The following AGGF1 variants were observed in gnomAD, a reference collection of about 807,000 sequenced individuals.
AGGF1 encodes angiogenic factor with G-patch and FHA domains 1.
A neutral mutation model predicts 86.5 loss-of-function variants in AGGF1; 56 were observed. The observed-to-expected ratio is 0.65, with a 90% CI of 0.52 to 0.81. The LOEUF is 0.81. Ranked by LOEUF, AGGF1 falls within the 30% of genes least tolerant of loss-of-function variation. AGGF1 has a pLI of 0.00. For missense variants in AGGF1, 816 were observed against 850.9 expected (o/e 0.96, Z 0.51); for synonymous variants, 313 against 297.1 (o/e 1.05, Z -0.55).
In AGGF1 at chr5:77,046,477, C is replaced by G. The variant is rs1201364566; in HGVS notation, c.1001C>G (p.Thr334Ser). The change falls in exon 6 of 14, where the codon ACT becomes AGT. Residue 334 changes from threonine (T) to serine (S), a missense_variant. Coordinates refer to ENST00000312916, the MANE Select transcript of AGGF1 (RefSeq NM_018046.5). Reference protein sequence around the residue: ...IHHKNSPPKVTVPTSGNTIES... With the variant: ...IHHKNSPPKVSVPTSGNTIES... ...CACAAAAATAGTCCCCCCAAAGTCA[C>G]TGTTCCAACTAGTGGAAATACTATA... 5 of 1,613,976 alleles carry G rather than the reference C, an allele frequency of 3.1e-6. No individual in the cohort carries two copies. Among genetic ancestry groups the G allele is most frequent in the Admixed American group, 1.7e-5 (1 of 60,012 alleles).
intron 11 of AGGF1, among the ~76,000 whole-genome samples, chr5:77,056,318 T>C (rs1747457988): frequency 6.8e-6 from 1 of 147,968 alleles, no homozygotes; most frequent in Non-Finnish European, 1.5e-5. Context: ...TACCTCTGTC[T>C]CCTGGGTTCA....
intron 5 of AGGF1, among the ~76,000 whole-genome samples, 174 bp from the exon 6 acceptor site, chr5:77,046,173 A>G (rs1747243684): frequency 6.6e-6 from 1 of 152,222 alleles, no homozygotes; most frequent in African/African-American, 2.4e-5. Flanking sequence ...GAAGATGGTA[A>G]TATCATTAAC....
intron 11 of AGGF1, among the ~76,000 whole-genome samples, chr5:77,058,090 T>C (rs1053749034): frequency 6.6e-6 from 1 of 152,192 alleles, no homozygotes; most frequent in African/African-American, 2.4e-5. Flanking sequence ...AAGGACACTT[T>C]TGGGAGAGAT....
intron 3 of AGGF1, chr5:77,036,165 A>G (rs1746963971): frequency 3.7e-6 from 1 of 269,848 alleles, no homozygotes; most frequent in Admixed American, 5.1e-5. Context: ...TGTGTTTGAT[A>G]TATCTCATTT....
chr5:77,041,586 AG>A (rs1561285519), intron 5 of AGGF1, among the ~76,000 whole-genome samples: 1 of 147,820 alleles, frequency 6.8e-6, no homozygotes, highest in South Asian at 2.1e-4. Flanking sequence ...AAAAAAAAAA[AG>A]AAGAAGGCTA....
intron 11 of AGGF1, 141 bp downstream of exon 11, chr5:77,055,737 G>T (rs1291022734): frequency 1.7e-6 from 1 of 605,466 alleles, no homozygotes; most frequent in Non-Finnish European, 2.9e-6. Context: ...TACTGTTCTG[G>T]TATTCATAAC....
Position 77,058,952 on chromosome 5 carries a change from G to GT in AGGF1, c.1717-663dup, listed in dbSNP as rs1747503433. On this transcript the variant is annotated intron_variant, in intron 11 of 13. Transcript: ENST00000312916. ...TCTTTTTCTAGGGAATGTTTGTTAA[G>GT]TGACTAATAAGTCACTTAAATGGAG... 3.3e-5 allele frequency among the ~76,000 whole-genome samples: 5 copies of GT among 152,292 alleles called. No individual in the cohort carries two copies. In the South Asian group the frequency reaches 1.0e-3, roughly 32 times the overall value.
intron 1 of AGGF1, among the ~76,000 whole-genome samples, chr5:77,032,444 C>T (rs1368799080): frequency 6.6e-6 from 1 of 151,236 alleles, no homozygotes; most frequent in Non-Finnish European, 1.5e-5. Flanking sequence ...TGGCGGGCGC[C>T]TGTAGTCCCA....
intron 5 of AGGF1, among the ~76,000 whole-genome samples, chr5:77,044,368 G>A (rs921466110): frequency 2.0e-5 from 3 of 152,232 alleles, no homozygotes; most frequent in Non-Finnish European, 4.4e-5. Flanking sequence ...AAAGGTACCT[G>A]TGAGGCCAAG....
Position 77,063,100 on chromosome 5 carries a change from C to T in AGGF1, c.1993C>T (p.Pro665Ser). The T allele has an allele frequency of 6.2e-7, 1 of 1,613,966 alleles. No homozygotes were observed. Among genetic ancestry groups the T allele is most frequent in the Non-Finnish European group, 8.5e-7 (1 of 1,179,974 alleles). The stretch of plus-strand genomic sequence containing the variant: ...ACATGCAGGCTTGGGGACAGGCAAA[C>T]CATCCTCATTTGAAGATGTTCACCT... ...RTHAGLGTGK[P>S]SSFEDVHLLQ... Residue 665 changes from proline (P) to serine (S), a missense_variant, in exon 14 of 14, where the codon CCA becomes TCA. This residue lies in a region of AGGF1 where 565 missense variants were observed against 585.8 expected (regional missense o/e 0.96). Coordinates refer to ENST00000312916, the MANE Select transcript of AGGF1 (RefSeq NM_018046.5).
At chr5:77,045,375 C>T (rs1299995973) in intron 5 of AGGF1, among the ~76,000 whole-genome samples, 2 of 152,146 alleles carry the variant, frequency 1.3e-5, no homozygotes, top group Admixed American at 1.3e-4. Flanking sequence ...TGTTAATTAG[C>T]TCAATTTAAC....
At chr5:77,042,494 AC>A (rs369692581) in intron 5 of AGGF1, among the ~76,000 whole-genome samples, 16,679 of 31,228 alleles carry the variant, frequency 0.53, 3,495 homozygotes, top group Admixed American at 0.59. Flanking sequence ...CGGGGGGCTG[AC>A]CCCCCCCACC....
Position 77,030,987 on chromosome 5 carries a change from C to T in AGGF1, c.210+11C>T, listed in dbSNP as rs774901704. 3 of 1,611,180 alleles carry T rather than the reference C, an allele frequency of 1.9e-6. No homozygotes were observed. Among genetic ancestry groups the T allele is most frequent in the Non-Finnish European group, 2.5e-6 (3 of 1,179,828 alleles). ...GAGCTCCGCACGCAGGTGCGCGGTC[C>T]TCCTCAGCCCCGCGCCCCATCCAGC... On this transcript the variant is annotated intron_variant, in intron 1 of 13. Transcript: ENST00000312916.
rs1747249629 is a variant in AGGF1, at chr5:77,046,377, A to G, written c.901A>G (p.Ser301Gly). ...GAACTCAGAGGATCAAAAAGCCTTC[A>G]GTGTTGAACATACAAGCTGCAATGA... is the stretch of plus-strand genomic sequence containing the variant. ...DLNSEDQKAF[S>G]VEHTSCNEEE... The change falls in exon 6 of 14, where the codon AGT becomes GGT. Residue 301 changes from serine to glycine, a missense_variant. Ser to Gly is a moderately conservative substitution (Grantham distance 56). Transcript: ENST00000312916. The G allele has an allele frequency of 1.2e-6, 2 of 1,613,766 alleles. No homozygotes were observed. Among genetic ancestry groups the G allele is most frequent in the Admixed American group, 1.7e-5 (1 of 60,014 alleles).
chr5:77,056,942 G>C (rs1383657687), intron 11 of AGGF1, among the ~76,000 whole-genome samples: 1 of 152,014 alleles, frequency 6.6e-6, no homozygotes, highest in Non-Finnish European at 1.5e-5. Context: ...TAAAAAATGG[G>C]CCAAAGATTT....
At chr5:77,043,707 G>C (rs1205848565) in intron 5 of AGGF1, among the ~76,000 whole-genome samples, 76 of 142,526 alleles carry the variant, frequency 5.3e-4, no homozygotes, top group African/African-American at 1.9e-3. Context: ...CCCGGACGGG[G>C]TGGCTGCCGG....
At chr5:77,044,146 G>A (rs1344729418) in intron 5 of AGGF1, among the ~76,000 whole-genome samples, 1 of 147,234 alleles carries the variant, frequency 6.8e-6, no homozygotes, top group Non-Finnish European at 1.5e-5. Context: ...TGGGCGGCCA[G>A]GCAGAGACAC....
chr5:77,063,135 CAAG>C lies in AGGF1; in HGVS notation c.2031_2033del (p.Lys677del). 1 of 1,613,820 alleles carries C rather than the reference CAAG, an allele frequency of 6.2e-7. No individual in the cohort carries two copies. On this transcript the variant is annotated inframe_deletion, in exon 14 of 14. Coordinates refer to ENST00000312916, the MANE Select transcript of AGGF1 (RefSeq NM_018046.5). ...TTGAAGATGTTCACCTTCTCCAAAA[CAAG>C]AACAAAAAAAACTGGGACAAAGCAC...
chr5:77,059,880 C>A, intron 12 of AGGF1, 137 bp downstream of exon 12: 1 of 1,178,468 alleles, frequency 8.5e-7, no homozygotes, highest in Non-Finnish European at 1.2e-6. Context: ...CTTGCTCCGT[C>A]GCCCAGGCTG....
Sources: gnomAD v4.1 joint callset for allele counts (sites outside exome capture counted in the v4.1 genomes callset) on GRCh38, gnomAD v4.1.1 for gene constraint, gnomAD v4.1.1 regional missense constraint, MANE v1.5 for transcripts, NCBI Gene and HGNC (gene_info 2026-07-23, HGNC 2026-07-21) for gene names.